Variants in IDE observed in about 807,000 individuals in gnomAD.
The protein encoded by IDE is insulin-degrading enzyme.
Under a neutral mutation model 133.2 loss-of-function variants are expected in IDE, and 58 were observed. The ratio of observed to expected loss-of-function variants is 0.44; its 90% CI spans 0.35 to 0.54. IDE has a LOEUF of 0.54. Among genes scored for constraint, IDE ranks in the 20% least tolerant of loss-of-function variants. IDE has a pLI of 0.00. For synonymous variants in IDE, 396 were observed against 421.3 expected, an observed-to-expected ratio of 0.94 and a Z score of 0.73; for missense variants, 981 against 1,234.0, an observed-to-expected ratio of 0.79 and a Z score of 3.07.
At chr10:92,531,227 G>A (rs1209657584) in intron 4 of IDE, among the ~76,000 whole-genome samples, 2 of 152,118 alleles carry the variant, frequency 1.3e-5, no homozygotes, top group Non-Finnish European at 2.9e-5. Flanking sequence ...GAGTCTCCAC[G>A]TTTATCTTAT....
chr10:92,516,218 G>A (rs998440137), intron 4 of IDE, among the ~76,000 whole-genome samples: 1 of 151,962 alleles, frequency 6.6e-6, no homozygotes, highest in Non-Finnish European at 1.5e-5. Context: ...TCTTGGCTGG[G>A]CTCAGTGGCT....
chr10:92,473,874 C>T (rs1053176712), intron 17 of IDE, among the ~76,000 whole-genome samples: 25 of 151,692 alleles, frequency 1.6e-4, no homozygotes, highest in African/African-American at 5.8e-4. Flanking sequence ...CCCAGCTACT[C>T]GGGAGGCTGA....
chr10:92,482,549 AC>A (rs1846677343), intron 14 of IDE, among the ~76,000 whole-genome samples: 1 of 152,202 alleles, frequency 6.6e-6, no homozygotes, highest in Non-Finnish European at 1.5e-5. Context: ...CCTCTTCTAG[AC>A]AAGTTCCAGG....
At chr10:92,491,771 C>G (rs1487113447) in intron 11 of IDE, among the ~76,000 whole-genome samples, 1 of 152,012 alleles carries the variant, frequency 6.6e-6, no homozygotes, top group East Asian at 1.9e-4. Flanking sequence ...CCACCTTGCC[C>G]AGCTAATTTT....
chr10:92,524,446 T>TTATAA (rs1564647982), intron 4 of IDE, among the ~76,000 whole-genome samples: 1 of 42,968 alleles, frequency 2.3e-5, no homozygotes, highest in Non-Finnish European at 4.0e-5. Flanking sequence ...TATAATATAT[T>TTATAA]TTATATATTA....
At chr10:92,488,415 C>T (rs907837252) in intron 12 of IDE, among the ~76,000 whole-genome samples, 2 of 152,140 alleles carry the variant, frequency 1.3e-5, no homozygotes, top group Admixed American at 6.5e-5. Context: ...TTCTTAAGAA[C>T]TGGCCCACAC....
At chr10:92,547,800 A>G (rs1183803901) in intron 1 of IDE, among the ~76,000 whole-genome samples, 4 of 152,104 alleles carry the variant, frequency 2.6e-5, no homozygotes, top group African/African-American at 9.7e-5. Context: ...TGATCTACTG[A>G]CCACTTCCAG....
At chr10:92,563,364 A>AT (rs1399818656) in intron 1 of IDE, among the ~76,000 whole-genome samples, 1 of 151,776 alleles carries the variant, frequency 6.6e-6, no homozygotes, top group Non-Finnish European at 1.5e-5. Flanking sequence ...AAGCAGGAGA[A>AT]TCACTTGAAT....
At chr10:92,509,832 G>C (rs987540074) in intron 6 of IDE, among the ~76,000 whole-genome samples, 2 of 146,376 alleles carry the variant, frequency 1.4e-5, no homozygotes, top group African/African-American at 5.0e-5. Flanking sequence ...GAGGTGGGAG[G>C]ATCAATTCAG....
At chr10:92,478,668 C>T in intron 15 of IDE, 1 of 1,257,262 alleles carries the variant, frequency 8.0e-7, no homozygotes, top group Non-Finnish European at 1.0e-6. Flanking sequence ...ATTCCTGATG[C>T]AATGCCATAG....
chr10:92,551,588 A>T (rs991037198), intron 1 of IDE, among the ~76,000 whole-genome samples: 1 of 151,620 alleles, frequency 6.6e-6, no homozygotes, highest in Admixed American at 6.6e-5. Flanking sequence ...AAAAAAAAGA[A>T]AAGAAATCAG....
Position 92,537,483 on chromosome 10 carries a change from T to C in IDE, c.166A>G (p.Lys56Glu). 1 of 1,613,886 alleles carries C rather than the reference T, an allele frequency of 6.2e-7. No individual in the cohort carries two copies. Among genetic ancestry groups the C allele is most frequent in the Non-Finnish European group, 8.5e-7 (1 of 1,179,802 alleles). ...TATTCTCGCTTGTCTTCAGGAGACTTGGTAATGTGATTTCCTATTCTCTTG... is the reference window on the plus strand; with the variant it reads ...TATTCTCGCTTGTCTTCAGGAGACTCGGTAATGTGATTTCCTATTCTCTTG... ...AIKRIGNHITKSPEDKREYRG... is the reference protein window; with the variant it reads ...AIKRIGNHITESPEDKREYRG... The change falls in exon 2 of 25, where the codon AAG (lysine) becomes GAG (glutamate). Residue 56 changes from lysine (K) to glutamate (E), a missense_variant. Physicochemically the swap from Lys to Glu is moderately conservative, Grantham distance 56 (BLOSUM62 1). Transcript: ENST00000265986.
At chr10:92,559,330 A>G (rs1464063933) in intron 1 of IDE, 1 of 152,266 alleles carries the variant, frequency 6.6e-6, no homozygotes, top group Non-Finnish European at 1.5e-5. Flanking sequence ...GAATGCCCAA[A>G]GCAGTATTAT....
At chr10:92,518,631 T>C (rs950788229) in intron 4 of IDE, among the ~76,000 whole-genome samples, 13 of 152,172 alleles carry the variant, frequency 8.5e-5, no homozygotes, top group African/African-American at 1.2e-4. Context: ...AACAATTCCA[T>C]AGTAACACTG....
At chr10:92,568,661 C>T (rs866212605) in intron 1 of IDE, among the ~76,000 whole-genome samples, 1 of 151,516 alleles carries the variant, frequency 6.6e-6, no homozygotes, top group Non-Finnish European at 1.5e-5. Context: ...ACTAAAAATA[C>T]AAAAATTAGC....
chr10:92,479,056 G>GT (rs1209267157), intron 15 of IDE, among the ~76,000 whole-genome samples: 1 of 151,262 alleles, frequency 6.6e-6, no homozygotes, highest in Non-Finnish European at 1.5e-5. Flanking sequence ...GATGAAAGAC[G>GT]TTTAAAAAAA....
At chr10:92,541,716 T>C (rs1394568450) in intron 1 of IDE, among the ~76,000 whole-genome samples, 1 of 152,128 alleles carries the variant, frequency 6.6e-6, no homozygotes, top group Non-Finnish European at 1.5e-5. Context: ...TTTAAAACAA[T>C]GACTATAATC....
intron 1 of IDE, among the ~76,000 whole-genome samples, chr10:92,565,837 T>C (rs1843511700): frequency 6.6e-6 from 1 of 152,054 alleles, no homozygotes; most frequent in African/African-American, 2.4e-5. Context: ...AACGTCCCCA[T>C]CTCTACTAAA....
At chr10:92,469,079 G>A in intron 18 of IDE, 89 bp from the exon 19 acceptor site, 1 of 741,798 alleles carries the variant, frequency 1.3e-6, no homozygotes, top group Admixed American at 2.2e-5. Context: ...CATAAAAGTG[G>A]ATTCTAAAAC....
Sources: gnomAD v4.1 joint callset for allele counts (sites outside exome capture counted in the v4.1 genomes callset) on GRCh38, gnomAD v4.1.1 for gene constraint, MANE v1.5 for transcripts, NCBI Gene and HGNC (gene_info 2026-07-23, HGNC 2026-07-21) for gene names.